NFIA: variants seen among roughly 807,000 people sequenced by gnomAD.
The protein encoded by NFIA is nuclear factor 1 A-type.
In NFIA, 8 loss-of-function variants were observed where a neutral mutation model predicts 62.8. That is an observed-to-expected ratio of 0.13 (90% confidence interval 0.07 to 0.23). NFIA has a LOEUF of 0.23. NFIA is among the 10% of genes least tolerant of loss of function. NFIA has a pLI of 1.00. For synonymous variants in NFIA, 235 were observed against 238.1 expected (o/e 0.99, Z 0.12); for missense variants, 410 against 642.1 (o/e 0.64, Z 3.91).
At chr1:61,424,470 G>C (rs1333589963) in intron 9 of NFIA, among the ~76,000 whole-genome samples, 2 of 152,016 alleles carry the variant, frequency 1.3e-5, no homozygotes, top group Non-Finnish European at 1.5e-5. Flanking sequence ...GCAGGCGAGT[G>C]CACACTGTTC....
At chr1:61,391,356 C>T (rs1569733496) in intron 7 of NFIA, among the ~76,000 whole-genome samples, 1 of 151,712 alleles carries the variant, frequency 6.6e-6, no homozygotes, top group South Asian at 2.1e-4. Flanking sequence ...ATAAGTTATG[C>T]CCTTAGATAA....
At chr1:61,093,571 A>G (rs1314955232) in intron 2 of NFIA, among the ~76,000 whole-genome samples, 3 of 152,224 alleles carry the variant, frequency 2.0e-5, no homozygotes, top group African/African-American at 7.2e-5. Flanking sequence ...TGAGATAAAT[A>G]TTGATTTTAC....
rs1201436942 is a variant in NFIA at position 61,088,862 on chromosome 1, C to T, written c.559+182C>T. Among the ~76,000 whole-genome samples the T allele has an allele frequency of 4.6e-5, 7 of 152,140 alleles. No individual in the cohort carries two copies. The highest frequency in any genetic ancestry group is 1.9e-4 in the East Asian group (1 of 5,194). Reference sequence around the variant, plus strand: ...TCAGGTGAAAAAGCATAGCTTTGAGCGAATTCTCACTAAGTTCAGCTCTTT... The same window carrying T: ...TCAGGTGAAAAAGCATAGCTTTGAGTGAATTCTCACTAAGTTCAGCTCTTT... On this transcript the variant is annotated intron_variant, in intron 2 of 10. Transcript: ENST00000403491. This position sits in a 1 kb window ranked among gnomAD's most constrained non-coding sequence, Gnocchi z 4.5.
At chr1:61,217,580 G>A (rs1231957248) in intron 2 of NFIA, among the ~76,000 whole-genome samples, 1 of 152,152 alleles carries the variant, frequency 6.6e-6, no homozygotes, top group Non-Finnish European at 1.5e-5. Context: ...GTCAAGAGGG[G>A]AAGGACCCAC....
rs201335260 is a variant in NFIA, at chr1:61,082,847, T to TG, written c.27+34dup. On this transcript the variant is annotated intron_variant, in intron 1 of 10. Transcript: ENST00000403491. ...AGCCGCGGCGTGGATGCGGAGGGCT[T>TG]GGGGGCCGGGGCGCCGGGGGCAGGG... The TG allele has an allele frequency of 8.8e-3, 11,751 of 1,330,214 alleles. 630 individuals carry two copies. In the East Asian group the frequency reaches 0.18, roughly 20 times the overall value. The allele number at this position is 1,330,214 out of a possible 1,614,324, so 82.4% of individuals were successfully genotyped here.
At chr1:61,262,003 C>T (rs1421528633) in intron 2 of NFIA, among the ~76,000 whole-genome samples, 1 of 152,110 alleles carries the variant, frequency 6.6e-6, no homozygotes. Flanking sequence ...AATGTACTTG[C>T]ATCATGTGGT....
chr1:61,119,518 G>C (rs147297941), intron 2 of NFIA, among the ~76,000 whole-genome samples: 1 of 152,142 alleles, frequency 6.6e-6, no homozygotes. Context: ...GCATTGCACT[G>C]TTCTTCATTT....
intron 2 of NFIA, chr1:61,250,227 A>G (rs941512624): frequency 2.6e-5 from 4 of 152,234 alleles, no homozygotes; most frequent in African/African-American, 4.8e-5. Context: ...TTGTAATAAT[A>G]TAAGTGCTAG....
intron 10 of NFIA, among the ~76,000 whole-genome samples, chr1:61,447,054 C>T (rs570604994): frequency 1.3e-5 from 2 of 152,170 alleles, no homozygotes; most frequent in African/African-American, 2.4e-5. Context: ...AGAAAACATA[C>T]ATTTTTTCAT....
chr1:61,150,061 A>G (rs1648291492), intron 2 of NFIA, among the ~76,000 whole-genome samples: 1 of 152,116 alleles, frequency 6.6e-6, no homozygotes, highest in South Asian at 2.1e-4. Context: ...TTCCCTCCCT[A>G]TGTTCTGAGT....
intron 7 of NFIA, among the ~76,000 whole-genome samples, chr1:61,393,494 T>C (rs942889498): frequency 6.6e-6 from 1 of 151,414 alleles, no homozygotes; most frequent in Admixed American, 6.6e-5. Context: ...ACAACAGATT[T>C]AGGGAAGGGC....
chr1:61,135,544 A>C (rs1268591037), intron 2 of NFIA, among the ~76,000 whole-genome samples: 2 of 152,140 alleles, frequency 1.3e-5, no homozygotes, highest in African/African-American at 4.8e-5. Context: ...AGCTGGGACT[A>C]CTGGCATGTG....
chr1:61,229,817 A>T (rs2100629808), intron 2 of NFIA, among the ~76,000 whole-genome samples: 1 of 152,348 alleles, frequency 6.6e-6, no homozygotes, highest in African/African-American at 2.4e-5. Flanking sequence ...TTGATTCCAA[A>T]TTTTTTAAAA....
At chr1:61,251,867 G>A (rs2100213180) in intron 2 of NFIA, among the ~76,000 whole-genome samples, 1 of 152,252 alleles carries the variant, frequency 6.6e-6, no homozygotes, top group Middle Eastern at 3.4e-3. Context: ...TAGGAGGTAA[G>A]CTGACTATTT....
chr1:61,283,071 A>C (rs1310296508), intron 3 of NFIA, among the ~76,000 whole-genome samples: 1 of 152,144 alleles, frequency 6.6e-6, no homozygotes, highest in Non-Finnish European at 1.5e-5. Context: ...TATTGGTTGA[A>C]TCTACCTTTC....
chr1:61,184,709 C>T (rs935579433), intron 2 of NFIA, among the ~76,000 whole-genome samples: 2 of 152,190 alleles, frequency 1.3e-5, no homozygotes, highest in African/African-American at 4.8e-5. Context: ...AGCCGTGCTC[C>T]AAGAGAGCAG....
chr1:61,328,714 C>A (rs548567687), intron 3 of NFIA, among the ~76,000 whole-genome samples: 1 of 149,470 alleles, frequency 6.7e-6, no homozygotes, highest in African/African-American at 2.5e-5. Flanking sequence ...CCACCGCACC[C>A]GGCCTATAAT....
intron 2 of NFIA, among the ~76,000 whole-genome samples, chr1:61,170,657 T>C (rs530303599): frequency 6.6e-6 from 1 of 152,294 alleles, no homozygotes; most frequent in Admixed American, 6.5e-5. Flanking sequence ...TAACTATCAG[T>C]AACATTTTGA....
intron 10 of NFIA, among the ~76,000 whole-genome samples, chr1:61,427,383 A>G (rs561454376): frequency 1.9e-3 from 292 of 152,362 alleles, no homozygotes; most frequent in Non-Finnish European, 3.1e-3. Context: ...CTGATTTCCT[A>G]ATTAGAACAT....
Sources: gnomAD v4.1 joint callset for allele counts (sites outside exome capture counted in the v4.1 genomes callset) on GRCh38, gnomAD v4.1.1 for gene constraint, Gnocchi (gnomAD v3.1) non-coding constraint, MANE v1.5 for transcripts, NCBI Gene and HGNC (gene_info 2026-07-23, HGNC 2026-07-21) for gene names.